Variants in LAMB3 observed in about 807,000 individuals in gnomAD.
LAMB3 encodes the protein laminin subunit beta 3.
LAMB3 carries 104 observed loss-of-function variants against 140.3 expected under a neutral mutation model. The ratio of observed to expected loss-of-function variants is 0.74; its 90% CI spans 0.63 to 0.87. LAMB3 has a LOEUF of 0.87. Ranked by LOEUF, LAMB3 falls within the 40% of genes least tolerant of loss-of-function variation. LAMB3 has a pLI of 0.00. For missense variants in LAMB3, 1,531 were observed against 1,575.2 expected (o/e 0.97, Z 0.47); for synonymous variants, 592 against 602.9 (o/e 0.98, Z 0.26).
chr1:209,632,429 G>A (rs1666722939), intron 8 of LAMB3, among the ~76,000 whole-genome samples, 154 bp downstream of exon 8: 1 of 152,168 alleles, frequency 6.6e-6, no homozygotes, highest in Non-Finnish European at 1.5e-5. Context: ...TTTTTGGAAC[G>A]AAAACCACTT....
In LAMB3 at chr1:209,615,136, A is replaced by C. The variant is rs956240031; in HGVS notation, c.*135T>G. 25 of 1,068,130 alleles carry C rather than the reference A, an allele frequency of 2.3e-5. 1 individual carries two copies. Among genetic ancestry groups the C allele is most frequent in the Non-Finnish European group, 8.3e-6 (6 of 722,584 alleles). The allele number at this position is 1,068,130 out of a possible 1,614,324, so 66.2% of individuals were successfully genotyped here. On this transcript the variant is annotated 3_prime_UTR_variant, in exon 23 of 23. Transcript: ENST00000356082. ...AGCTCAGGGTAATCTTACTAGCTAC[A>C]CACCAGGGGTGGTCCAGGCTGTACT... is the stretch of plus-strand genomic sequence containing the variant.
Position 209,625,479 on chromosome 1 carries a change from A to G in LAMB3, c.1976+169T>C, listed in dbSNP as rs4844860. Among the ~76,000 whole-genome samples, 44,415 of 152,094 alleles carry G rather than the reference A, an allele frequency of 0.29. 6,480 individuals are homozygous for G. The highest frequency in any genetic ancestry group is 0.3 in the African/African-American group (12,439 of 41,454). On this transcript the variant is annotated intron_variant, in intron 14 of 22. Coordinates refer to ENST00000356082, the MANE Select transcript of LAMB3 (RefSeq NM_000228.3). Reference sequence around the variant, plus strand: ...TGTCTGTGCCTGTTTTCTCATCTGCAAAACCACACCAGCCTCACAGGACTG... The same window carrying G: ...TGTCTGTGCCTGTTTTCTCATCTGCGAAACCACACCAGCCTCACAGGACTG...
Position 209,622,558 on chromosome 1 carries a change from C to T in LAMB3, c.2679G>A (p.Gln893=). Reference sequence around the variant, plus strand: ...CACCTGTTAGGAAGTCCCGGACCTGCTGGATTAGGAGCCGTGTGCGTCTGA... The same window carrying T: ...CACCTGTTAGGAAGTCCCGGACCTGTTGGATTAGGAGCCGTGTGCGTCTGA... The part of the protein sequence containing the change: ...EDVRRTRLLI[Q]QVRDFLTDPD... Residue 893 remains glutamine (Q), a synonymous_variant, in exon 18 of 23, where the codon CAG becomes CAA. Transcript: ENST00000356082. 2 of 1,614,018 alleles carry T rather than the reference C, an allele frequency of 1.2e-6. No homozygotes were observed. The highest frequency in any genetic ancestry group is 1.1e-5 in the South Asian group (1 of 91,076).
intron 3 of LAMB3, among the ~76,000 whole-genome samples, chr1:209,647,745 A>G (rs879601623): frequency 6.6e-6 from 1 of 152,164 alleles, no homozygotes; most frequent in Non-Finnish European, 1.5e-5. Context: ...AGAAAACTCA[A>G]TACACGATAT....
chr1:209,630,735 C>A lies in LAMB3; in HGVS notation c.823G>T (p.Val275Phe). The A allele has an allele frequency of 1.9e-6, 3 of 1,613,826 alleles. No homozygotes were observed. The highest frequency in any genetic ancestry group is 2.5e-6 in the Non-Finnish European group (3 of 1,179,974). Residue 275 changes from valine to phenylalanine, a missense_variant and splice_region_variant, in exon 9 of 23, where the codon GTC becomes TTC. Coordinates refer to ENST00000356082, the MANE Select transcript of LAMB3 (RefSeq NM_000228.3). Reference sequence around the variant, plus strand: ...TGCTGGCAGACACAGACATCGTGGACCTGGGAGGGGGACCGTCAGCCATCA... The same window carrying A: ...TGCTGGCAGACACAGACATCGTGGAACTGGGAGGGGGACCGTCAGCCATCA... ...ASAGPSTAVQ[V>F]HDVCVCQHNT...
At chr1:209,632,517 C>G in intron 8 of LAMB3, 66 bp downstream of exon 8, 1 of 1,315,882 alleles carries the variant, frequency 7.6e-7, no homozygotes, top group East Asian at 2.3e-5. Context: ...ACAGGAGCCC[C>G]AAGAATGTCT....
At chr1:209,629,236 A>T (rs1666587502) in intron 10 of LAMB3, among the ~76,000 whole-genome samples, 1 of 151,806 alleles carries the variant, frequency 6.6e-6, no homozygotes, top group Non-Finnish European at 1.5e-5. Flanking sequence ...ATTCACAAAC[A>T]CTCCCTGAGC....
intron 9 of LAMB3, among the ~76,000 whole-genome samples, 187 bp from the exon 10 acceptor site, chr1:209,630,112 AG>A (rs1312796966): frequency 6.6e-6 from 1 of 152,192 alleles, no homozygotes; most frequent in Non-Finnish European, 1.5e-5. Context: ...AAGAAAGCAG[AG>A]GAGAATAAGA....
At chr1:209,643,172 G>A (rs1369417462) in intron 3 of LAMB3, among the ~76,000 whole-genome samples, 1 of 152,246 alleles carries the variant, frequency 6.6e-6, no homozygotes, top group Non-Finnish European at 1.5e-5. Context: ...AAGACAAGCT[G>A]CTAATTTATC....
Position 209,623,197 on chromosome 1 carries a change from T to C in LAMB3, c.2359-18A>G, listed in dbSNP as rs376595897. ...CCACAGAGCTGTGGACAGATGGCGGTGTTAAAGAGGCTACCCAAAGCCCCT... is the reference window on the plus strand; with the variant it reads ...CCACAGAGCTGTGGACAGATGGCGGCGTTAAAGAGGCTACCCAAAGCCCCT... On this transcript the variant is annotated intron_variant, in intron 16 of 22. Transcript: ENST00000356082. This position sits in a 1 kb window ranked among gnomAD's most constrained non-coding sequence, Gnocchi z 4.2. 52 of 1,613,642 alleles carry C rather than the reference T, an allele frequency of 3.2e-5. No homozygotes were observed. Among genetic ancestry groups the C allele is most frequent in the Non-Finnish European group, 4.0e-5 (47 of 1,179,772 alleles).
intron 3 of LAMB3, 110 bp downstream of exon 3, chr1:209,649,854 T>C (rs915609824): frequency 4.9e-6 from 6 of 1,233,996 alleles, no homozygotes; most frequent in Admixed American, 1.8e-5. Context: ...GTCCGTGTAG[T>C]ACACAGGGCT....
rs945590359 is a variant in LAMB3 at position 209,616,333 on chromosome 1, T to G, written c.3382+138A>C. 9 of 985,516 alleles carry G rather than the reference T, an allele frequency of 9.1e-6. No homozygotes were observed. The African/African-American group carries it at 1.4e-4, about 16-fold the overall frequency. 61.0% of individuals were successfully genotyped at this position (985,516 alleles called of 1,614,324 possible). On this transcript the variant is annotated intron_variant, in intron 22 of 22. Coordinates refer to ENST00000356082, the MANE Select transcript of LAMB3 (RefSeq NM_000228.3). Reference sequence around the variant, plus strand: ...ATTCCCCAGCCTCATACATGCTAGATGCCCAGAAAAAATCTCATTTGATCT... The same window carrying G: ...ATTCCCCAGCCTCATACATGCTAGAGGCCCAGAAAAAATCTCATTTGATCT...
At chr1:209,628,357 T>C (rs889498051) in intron 10 of LAMB3, among the ~76,000 whole-genome samples, 167 bp from the exon 11 acceptor site, 2 of 152,192 alleles carry the variant, frequency 1.3e-5, no homozygotes, top group Non-Finnish European at 1.5e-5. Context: ...TCCTTGTCTA[T>C]AAAATAAAAA....
intron 21 of LAMB3, 63 bp downstream of exon 21, chr1:209,617,344 GTCC>G (rs915275324): frequency 6.6e-7 from 1 of 1,519,914 alleles, no homozygotes; most frequent in East Asian, 2.2e-5. Context: ...AGTGTGCAAA[GTCC>G]TCCTCTGCTC....
Position 209,629,823 on chromosome 1 carries a change from T to C in LAMB3, c.1046A>G (p.His349Arg). Reference sequence around the variant, plus strand: ...CCGCTCACAGTTCTTGCCTTCGGTGTGGTCCCGGCAATTGTCACACACACC... The same window carrying C: ...CCGCTCACAGTTCTTGCCTTCGGTGCGGTCCCGGCAATTGTCACACACACC... ...YGGVCDNCRD[H>R]TEGKNCERCQ... Residue 349 changes from histidine (H) to arginine (R), a missense_variant, in exon 10 of 23, where the codon CAC becomes CGC. Coordinates refer to ENST00000356082, the MANE Select transcript of LAMB3 (RefSeq NM_000228.3). The C allele has an allele frequency of 1.9e-6, 3 of 1,613,920 alleles. No homozygotes were observed. In the Admixed American group the frequency reaches 5.0e-5, roughly 27 times the overall value.
chr1:209,643,524 C>G (rs540457474), intron 3 of LAMB3, among the ~76,000 whole-genome samples: 1 of 152,354 alleles, frequency 6.6e-6, no homozygotes, highest in South Asian at 2.1e-4. Flanking sequence ...GCTCAGCAGT[C>G]TGGCTGGAAG....
At chr1:209,642,892 C>T (rs2076482412) in intron 3 of LAMB3, among the ~76,000 whole-genome samples, 1 of 152,212 alleles carries the variant, frequency 6.6e-6, no homozygotes, top group Non-Finnish European at 1.5e-5. Context: ...CTGCTCCTCC[C>T]TCAGTCTTCA....
At chr1:209,634,817 C>T (rs1000088211) in intron 5 of LAMB3, among the ~76,000 whole-genome samples, 179 bp from the exon 6 acceptor site, 4 of 152,054 alleles carry the variant, frequency 2.6e-5, no homozygotes, top group African/African-American at 7.2e-5. Context: ...GAAGTTTCTC[C>T]CAGGATCTGC....
rs763420482 is a variant in LAMB3, at chr1:209,623,118, G to A, written c.2420C>T (p.Pro807Leu). 3 of 1,614,184 alleles carry A rather than the reference G, an allele frequency of 1.9e-6. No individual in the cohort carries two copies. The highest frequency in any genetic ancestry group is 2.5e-6 in the Non-Finnish European group (3 of 1,180,036). Residue 807 changes from proline to leucine, a missense_variant, in exon 17 of 23, where the codon CCC becomes CTC. By Grantham distance (98) the Pro-to-Leu change is moderately conservative (BLOSUM62 -3). Transcript: ENST00000356082. The surrounding 1 kb of genome is among the most constrained non-coding windows in gnomAD (Gnocchi z 4.2). Reference sequence around the variant, plus strand: ...GCCACAGGCTGTGCCATTGTCTTGGGGACATAGCTCACCAGGGCATGATAT... The same window carrying A: ...GCCACAGGCTGTGCCATTGTCTTGGAGACATAGCTCACCAGGGCATGATAT... ...TPISCPGELC[P>L]QDNGTACGSR... is the part of the protein sequence containing the mutation.
Sources: gnomAD v4.1 joint callset for allele counts (sites outside exome capture counted in the v4.1 genomes callset) on GRCh38, gnomAD v4.1.1 for gene constraint, Gnocchi (gnomAD v3.1) non-coding constraint, MANE v1.5 for transcripts, NCBI Gene and HGNC (gene_info 2026-07-23, HGNC 2026-07-21) for gene names.